The following CAMTA1 variants were observed in gnomAD, a reference collection of about 807,000 sequenced individuals.
CAMTA1 encodes calmodulin binding transcription activator 1, also known as calmodulin-binding transcription activator 1.
In CAMTA1, 27 loss-of-function variants were observed where a neutral mutation model predicts 170.9. The observed-to-expected ratio is 0.16, with a 90% confidence interval of 0.12 to 0.22. The LOEUF (loss-of-function observed/expected upper bound fraction) is 0.22, where lower values mean the gene tolerates loss of function less well. Among genes scored for constraint, CAMTA1 ranks in the 10% least tolerant of loss-of-function variants. CAMTA1 has a pLI of 1.00. For synonymous variants in CAMTA1, 833 were observed against 891.5 expected, an observed-to-expected ratio of 0.93 and a Z score of 1.17; for missense variants, 1,619 against 2,217.2, an observed-to-expected ratio of 0.73 and a Z score of 5.42.
chr1:6,928,996 A>G (rs1283668773), intron 3 of CAMTA1, among the ~76,000 whole-genome samples: 2 of 152,196 alleles, frequency 1.3e-5, no homozygotes, highest in African/African-American at 4.8e-5. Context: ...TCCGCAGGAC[A>G]GTGCTGCTTT....
At chr1:6,803,061 CT>C in intron 1 of CAMTA1, among the ~76,000 whole-genome samples, 1 of 152,238 alleles carries the variant, frequency 6.6e-6, no homozygotes. Flanking sequence ...AGAACTTTTT[CT>C]TTGAATAGTG....
chr1:6,895,346 ACATC>A (rs1675396142), intron 3 of CAMTA1, among the ~76,000 whole-genome samples: 1 of 152,098 alleles, frequency 6.6e-6, no homozygotes, highest in East Asian at 1.9e-4. Flanking sequence ...CTTCCAAAAT[ACATC>A]CATCTTTGCA....
rs2096175065 is a variant in CAMTA1 at position 7,680,215 on chromosome 1, G to C, written c.2914+2482G>C. On this transcript the variant is annotated intron_variant, in intron 11 of 22. Transcript: ENST00000303635. The surrounding 1 kb of genome is among the most constrained non-coding windows in gnomAD (Gnocchi z 4.4). ...GCCAATGCTGCAGTGGCCGGGCGGT[G>C]GTGAGCCTTCCGTTCCCCGCCTGTC... 3.6e-6 allele frequency: 1 copy of C among 277,790 alleles called. No homozygotes were observed. The highest frequency in any genetic ancestry group is 7.9e-6 in the Non-Finnish European group (1 of 127,284). 17.2% of individuals were successfully genotyped at this position (277,790 alleles called of 1,614,324 possible).
chr1:7,660,056 C>T (rs928904382), intron 7 of CAMTA1, among the ~76,000 whole-genome samples: 3 of 152,192 alleles, frequency 2.0e-5, no homozygotes, highest in Admixed American at 6.5e-5. Flanking sequence ...TAGTGAGATC[C>T]TTGTCTCTAC....
chr1:7,621,231 C>T (rs776773575), intron 6 of CAMTA1, among the ~76,000 whole-genome samples: 2 of 152,194 alleles, frequency 1.3e-5, no homozygotes, highest in Non-Finnish European at 2.9e-5. Flanking sequence ...AGAAGAGGGG[C>T]CACTGGCCCA....
At chr1:7,688,971 A>T (rs1024436419) in intron 11 of CAMTA1, among the ~76,000 whole-genome samples, 4 of 152,288 alleles carry the variant, frequency 2.6e-5, no homozygotes, top group East Asian at 3.9e-4. Flanking sequence ...GAGACTTTTT[A>T]AAAAATCAGG....
At chr1:7,316,740 C>T (rs1677572645) in intron 5 of CAMTA1, among the ~76,000 whole-genome samples, 1 of 152,152 alleles carries the variant, frequency 6.6e-6, no homozygotes, top group South Asian at 2.1e-4. Context: ...CACGAACAGC[C>T]TGTGCTGAGA....
intron 6 of CAMTA1, among the ~76,000 whole-genome samples, chr1:7,469,996 G>A (rs928067582): frequency 6.6e-6 from 1 of 152,206 alleles, no homozygotes; most frequent in Non-Finnish European, 1.5e-5. Context: ...TGTCTGGTTC[G>A]TTACCTCCCA....
At chr1:7,001,259 G>C (rs1290838787) in intron 3 of CAMTA1, among the ~76,000 whole-genome samples, 2 of 152,126 alleles carry the variant, frequency 1.3e-5, no homozygotes, top group Admixed American at 1.3e-4. Context: ...GTTTGTCTTT[G>C]TGTTCACTGC....
At chr1:7,651,438 C>A (rs2095848102) in intron 7 of CAMTA1, among the ~76,000 whole-genome samples, 1 of 152,180 alleles carries the variant, frequency 6.6e-6, no homozygotes, top group Non-Finnish European at 1.5e-5. Flanking sequence ...CCCTGTCATC[C>A]TTCCAAGAGT....
intron 5 of CAMTA1, among the ~76,000 whole-genome samples, chr1:7,318,330 A>T (rs548197013): frequency 4.4e-4 from 67 of 152,330 alleles, no homozygotes; most frequent in African/African-American, 1.6e-3. Flanking sequence ...TTGGTCAGTG[A>T]CTGGTTGGCT....
chr1:6,787,363 T>A (rs1228916764), intron 1 of CAMTA1, among the ~76,000 whole-genome samples: 1 of 152,240 alleles, frequency 6.6e-6, no homozygotes, highest in Non-Finnish European at 1.5e-5. Context: ...CAGACATTTC[T>A]TTAGATCTTG....
chr1:7,670,471 G>T (rs1189298563), intron 9 of CAMTA1, among the ~76,000 whole-genome samples: 1 of 152,136 alleles, frequency 6.6e-6, no homozygotes, highest in Non-Finnish European at 1.5e-5. Flanking sequence ...AGATGCTCAG[G>T]CCTGTTTTCA....
chr1:7,410,040 G>A (rs2090599722), intron 5 of CAMTA1, among the ~76,000 whole-genome samples: 1 of 152,212 alleles, frequency 6.6e-6, no homozygotes, highest in Non-Finnish European at 1.5e-5. Context: ...ATGGGGGCCA[G>A]TAGGTTTGTG....
intron 6 of CAMTA1, among the ~76,000 whole-genome samples, chr1:7,470,736 C>G (rs569474434): frequency 6.6e-6 from 1 of 152,220 alleles, no homozygotes; most frequent in Non-Finnish European, 1.5e-5. Flanking sequence ...AGGAATAGCA[C>G]CCACTGCCCC....
chr1:6,895,559 T>C (rs1489763727), intron 3 of CAMTA1, among the ~76,000 whole-genome samples: 2 of 152,240 alleles, frequency 1.3e-5, no homozygotes, highest in Non-Finnish European at 2.9e-5. Context: ...TTCTATCCAT[T>C]TGGAGTCCGG....
rs1301013910 is a variant in CAMTA1, at chr1:7,737,514, C to A, written c.3602C>A (p.Ala1201Asp). Reference protein sequence around the residue: ...ESWMAQWHSEAISSPEIPKGV... With the variant: ...ESWMAQWHSEDISSPEIPKGV... Reference sequence around the variant, plus strand: ...TGGATGGCCCAGTGGCACAGCGAAGCCATCAGCTCTCCAGAAATACCCAAG... The same window carrying A: ...TGGATGGCCCAGTGGCACAGCGAAGACATCAGCTCTCCAGAAATACCCAAG... The change falls in exon 15 of 23, where the codon GCC becomes GAC. Residue 1201 changes from alanine (A) to aspartate (D), a missense_variant. Ala to Asp is a moderately radical substitution (Grantham distance 126). Coordinates refer to ENST00000303635, the MANE Select transcript of CAMTA1 (RefSeq NM_015215.4). 1.2e-6 allele frequency: 2 copies of A among 1,614,088 alleles called. No individual in the cohort carries two copies. Among genetic ancestry groups the A allele is most frequent in the South Asian group, 1.1e-5 (1 of 91,078 alleles).
chr1:7,502,634 G>T (rs886571133), intron 6 of CAMTA1, among the ~76,000 whole-genome samples: 1 of 152,172 alleles, frequency 6.6e-6, no homozygotes, highest in Non-Finnish European at 1.5e-5. Flanking sequence ...GAGTGGGGGG[G>T]CCTCTGGCCT....
At chr1:7,342,141 G>T (rs1020706616) in intron 5 of CAMTA1, among the ~76,000 whole-genome samples, 11 of 152,348 alleles carry the variant, frequency 7.2e-5, no homozygotes, top group South Asian at 4.1e-4. Flanking sequence ...TTTTAAGTCT[G>T]CCTCTTGAGG....
Sources: allele counts gnomAD v4.1 joint callset (sites outside exome capture counted in the v4.1 genomes callset), GRCh38; gene constraint gnomAD v4.1.1; non-coding constraint Gnocchi (gnomAD v3.1); transcripts MANE v1.5; gene names NCBI Gene and HGNC (gene_info 2026-07-23, HGNC 2026-07-21).